Variants in CLIP2 observed in about 807,000 individuals in gnomAD.
CLIP2 encodes CAP-Gly domain-containing linker protein 2.
CLIP2 carries 41 observed loss-of-function variants against 111.7 expected under a neutral mutation model. That is an observed-to-expected ratio of 0.37 (90% CI 0.29 to 0.48). The LOEUF is 0.48. Ranked by LOEUF, CLIP2 falls within the 20% of genes least tolerant of loss-of-function variation. The pLI, the probability that CLIP2 is intolerant of heterozygous loss-of-function variation, is 0.99. For missense variants in CLIP2, 1,160 were observed against 1,422.1 expected, an observed-to-expected ratio of 0.82 and a Z score of 2.96; for synonymous variants, 660 against 644.2, an observed-to-expected ratio of 1.02 and a Z score of -0.37.
At chr7:74,396,355 A>G (rs537980769) in intron 13 of CLIP2, among the ~76,000 whole-genome samples, 13 of 152,284 alleles carry the variant, frequency 8.5e-5, no homozygotes, top group African/African-American at 2.4e-4. Context: ...TGAGGCCAGG[A>G]GTTCAAGATG....
chr7:74,331,892 A>G (rs892126406), intron 2 of CLIP2, among the ~76,000 whole-genome samples: 2 of 151,858 alleles, frequency 1.3e-5, no homozygotes, highest in African/African-American at 2.4e-5. Flanking sequence ...TTCATTCTAC[A>G]TCTTCCTGTG....
intron 14 of CLIP2, 103 bp downstream of exon 14, chr7:74,397,336 C>A: frequency 8.3e-7 from 1 of 1,211,448 alleles, no homozygotes; most frequent in Non-Finnish European, 1.2e-6. Context: ...CTGGAATGAC[C>A]CCAGGGACAG....
At chr7:74,324,815 T>G in intron 2 of CLIP2, among the ~76,000 whole-genome samples, 4 of 98,968 alleles carry the variant, frequency 4.0e-5, no homozygotes, top group Middle Eastern at 4.7e-3. Context: ...TCCAAGATCT[T>G]GAGAAAAAAA....
rs71094782 is a variant in CLIP2, at chr7:74,397,666, G to GT, written c.2880+451dup. ...GATTCTGGGTGGCTGAGTTTTTTTT[G>GT]TTTTTTTTTTTTTTTTTTGAGACAG... On this transcript the variant is annotated intron_variant, in intron 14 of 16. Transcript: ENST00000223398. 3.8e-3 allele frequency among the ~76,000 whole-genome samples: 160 copies of GT among 42,054 alleles called. 1 individual carries two copies. Among genetic ancestry groups the GT allele is most frequent in the Middle Eastern group, 0.011 (1 of 88 alleles). The allele number at this position is 42,054 out of a possible 152,430, so 27.6% of individuals were successfully genotyped here.
At chr7:74,350,964 GGGAAGGAAA>G (rs1483355366) in intron 3 of CLIP2, among the ~76,000 whole-genome samples, 1 of 141,414 alleles carries the variant, frequency 7.1e-6, no homozygotes, top group Non-Finnish European at 1.5e-5. Flanking sequence ...AAGGAAGGAA[GGGAAGGAAA>G]GGAAGGAAGG....
chr7:74,311,766 G>A (rs1308173968), intron 1 of CLIP2, among the ~76,000 whole-genome samples: 3 of 151,816 alleles, frequency 2.0e-5, no homozygotes, highest in Admixed American at 6.6e-5. Context: ...AAAACAATTA[G>A]CCAGGCATGG....
At chr7:74,396,989 C>T (rs1791468376) in intron 13 of CLIP2, 85 bp from the exon 14 acceptor site, 5 of 1,540,208 alleles carry the variant, frequency 3.2e-6, no homozygotes, top group Non-Finnish European at 4.4e-6. Flanking sequence ...TTGGTCAGCC[C>T]CTGGACACTT....
chr7:74,292,386 A>C (rs1788049197), intron 1 of CLIP2, among the ~76,000 whole-genome samples: 1 of 151,784 alleles, frequency 6.6e-6, no homozygotes, highest in Non-Finnish European at 1.5e-5. Flanking sequence ...CTTTGTGGAG[A>C]ATTGTTCTGA....
At chr7:74,295,688 C>T (rs939265241) in intron 1 of CLIP2, among the ~76,000 whole-genome samples, 1 of 152,066 alleles carries the variant, frequency 6.6e-6, no homozygotes, top group Non-Finnish European at 1.5e-5. Flanking sequence ...AAGATAAACG[C>T]AGTATAACCA....
intron 2 of CLIP2, among the ~76,000 whole-genome samples, chr7:74,327,016 C>T (rs1217369514): frequency 1.3e-5 from 2 of 152,156 alleles, no homozygotes; most frequent in Non-Finnish European, 2.9e-5. Flanking sequence ...CTGCAACCTC[C>T]ACCTCCCGGG....
chr7:74,378,973 C>T (rs1790867786), intron 10 of CLIP2, among the ~76,000 whole-genome samples: 3 of 152,166 alleles, frequency 2.0e-5, no homozygotes, highest in Admixed American at 1.3e-4. Context: ...AATTAGCTTA[C>T]GTGCACATGG....
At chr7:74,363,346 T>C (rs1281867030) in intron 7 of CLIP2, among the ~76,000 whole-genome samples, 2 of 152,174 alleles carry the variant, frequency 1.3e-5, no homozygotes, top group Non-Finnish European at 2.9e-5. Context: ...GGTGGGCCTG[T>C]GTCTCTCCCC....
intron 13 of CLIP2, among the ~76,000 whole-genome samples, chr7:74,395,826 A>G (rs1055711637): frequency 2.8e-5 from 4 of 140,844 alleles, no homozygotes; most frequent in Non-Finnish European, 6.4e-5. Flanking sequence ...TTCTTACATA[A>G]CAAGAAATCT....
At chr7:74,365,683 C>T (rs1040521379) in intron 8 of CLIP2, among the ~76,000 whole-genome samples, 11 of 152,198 alleles carry the variant, frequency 7.2e-5, no homozygotes, top group Non-Finnish European at 2.9e-5. Context: ...TTGTAGCAAA[C>T]TGAATTGTGA....
At position 74,386,596 on chromosome 7, in the gene CLIP2, A is replaced by G; in HGVS notation, c.2555A>G (p.Gln852Arg). 5 of 1,606,708 alleles carry G rather than the reference A, an allele frequency of 3.1e-6. No homozygotes were observed. Among genetic ancestry groups the G allele is most frequent in the Non-Finnish European group, 4.2e-6 (5 of 1,177,258 alleles). ...TCCCAGACCGAGATGCTCAGGGCCCAAGTAAGTGGTAAGTCTCCCTCCCGC... is the reference window on the plus strand; with the variant it reads ...TCCCAGACCGAGATGCTCAGGGCCCGAGTAAGTGGTAAGTCTCCCTCCCGC... ...LTSQTEMLRA[Q>R]VSALESKCKS... The change falls in exon 12 of 17, where the codon CAA becomes CGA. Residue 852 changes from glutamine (Q) to arginine (R), a missense_variant. Transcript: ENST00000223398.
chr7:74,307,577 G>A (rs1439711447), intron 1 of CLIP2, among the ~76,000 whole-genome samples: 2 of 152,022 alleles, frequency 1.3e-5, no homozygotes, highest in South Asian at 4.2e-4. Context: ...CACAACCTCC[G>A]CCTCCTGGGT....
At chr7:74,328,581 G>A (rs1344525117) in intron 2 of CLIP2, among the ~76,000 whole-genome samples, 1 of 152,038 alleles carries the variant, frequency 6.6e-6, no homozygotes, top group Non-Finnish European at 1.5e-5. Context: ...GAGGGAGAGA[G>A]ACACAGTGGG....
chr7:74,400,662 G>A (rs1791593921), intron 15 of CLIP2, 107 bp downstream of exon 15: 2 of 1,127,668 alleles, frequency 1.8e-6, no homozygotes, highest in Non-Finnish European at 2.5e-6. Context: ...CCCAGTCTGA[G>A]GAGGTAGGGA....
In CLIP2 at chr7:74,400,464, G is replaced by A; in HGVS notation, c.2975G>A (p.Ser992Asn). 6.2e-7 allele frequency: 1 copy of A among 1,614,146 alleles called. No homozygotes were observed. The highest frequency in any genetic ancestry group is 2.2e-5 in the East Asian group (1 of 44,882). ...CTGCGGCTGCAGCACCAGCTGATGA[G>A]CACGGAGGACGCCCTGCGGGATGCG... Reference protein sequence around the residue: ...ELLRLQHQLMSTEDALRDALD... With the variant: ...ELLRLQHQLMNTEDALRDALD... The change falls in exon 15 of 17, where the codon AGC becomes AAC. Residue 992 changes from serine (S) to asparagine (N), a missense_variant. Ser to Asn is a conservative substitution (Grantham distance 46, BLOSUM62 1). This residue lies in a region of CLIP2 where 676 missense variants were observed against 777.8 expected (regional missense o/e 0.87). Coordinates refer to ENST00000223398, the MANE Select transcript of CLIP2 (RefSeq NM_003388.5).
Sources: allele counts gnomAD v4.1 joint callset (sites outside exome capture counted in the v4.1 genomes callset), GRCh38; gene constraint gnomAD v4.1.1; regional missense constraint gnomAD v4.1.1; transcripts MANE v1.5; gene names NCBI Gene and HGNC (gene_info 2026-07-23, HGNC 2026-07-21).